GRK5: variants seen among roughly 807,000 people sequenced by gnomAD.
The protein encoded by GRK5 is g protein-coupled receptor kinase GRK5.
Under a neutral mutation model 78.4 loss-of-function variants are expected in GRK5, and 40 were observed. The observed-to-expected ratio is 0.51, with a 90% CI of 0.40 to 0.66. The LOEUF (loss-of-function observed/expected upper bound fraction) is 0.66. Ranked by LOEUF, GRK5 falls within the 30% of genes least tolerant of loss-of-function variation. GRK5 has a pLI of 0.00. For missense variants in GRK5, 598 were observed against 759.9 expected (o/e 0.79, Z 2.50); for synonymous variants, 289 against 296.8 (o/e 0.97, Z 0.27).
At chr10:119,237,329 C>G (rs539473700) in intron 1 of GRK5, among the ~76,000 whole-genome samples, 5 of 152,252 alleles carry the variant, frequency 3.3e-5, no homozygotes, top group Non-Finnish European at 2.9e-5. Context: ...TCCCAGAGTG[C>G]TGGGATTACA....
At chr10:119,348,724 G>A (rs1851143071) in intron 2 of GRK5, among the ~76,000 whole-genome samples, 1 of 152,234 alleles carries the variant, frequency 6.6e-6, no homozygotes, top group Admixed American at 6.5e-5. Flanking sequence ...CCCCATTCTG[G>A]AGGAACCAGC....
intron 4 of GRK5, among the ~76,000 whole-genome samples, chr10:119,416,126 G>A (rs1218757427): frequency 1.3e-5 from 2 of 152,204 alleles, no homozygotes; most frequent in Non-Finnish European, 2.9e-5. Flanking sequence ...CACCAGCCAA[G>A]TACAACTGAT....
intron 1 of GRK5, among the ~76,000 whole-genome samples, chr10:119,233,962 C>T (rs1274225643): frequency 2.0e-5 from 3 of 152,134 alleles, no homozygotes; most frequent in Admixed American, 1.3e-4. Flanking sequence ...TGTGTGAGTC[C>T]GGAAGTGGAT....
intron 9 of GRK5, among the ~76,000 whole-genome samples, chr10:119,439,216 G>A (rs963538430): frequency 5.3e-5 from 8 of 152,248 alleles, no homozygotes; most frequent in African/African-American, 9.6e-5. Context: ...GCCATGCCCC[G>A]TAGCTGTTCT....
intron 1 of GRK5, among the ~76,000 whole-genome samples, chr10:119,287,298 A>G (rs866198294): frequency 1.1e-4 from 7 of 66,076 alleles, no homozygotes; most frequent in African/African-American, 2.0e-4. Flanking sequence ...AGAAAGAGGG[A>G]AGAAAGGAAG....
intron 1 of GRK5, among the ~76,000 whole-genome samples, chr10:119,231,349 G>A (rs1848825861): frequency 6.6e-6 from 1 of 151,842 alleles, no homozygotes. Context: ...ATAACTTATA[G>A]AAAAATTAAA....
intron 1 of GRK5, among the ~76,000 whole-genome samples, chr10:119,219,228 A>T (rs1564852386): frequency 6.6e-6 from 1 of 151,658 alleles, no homozygotes; most frequent in Non-Finnish European, 1.5e-5. Flanking sequence ...GATGCATACA[A>T]AATGATCATT....
intron 3 of GRK5, among the ~76,000 whole-genome samples, chr10:119,394,296 G>GTGTGTGTGTGGGTGTGTGTATCCA (rs1851966177): frequency 7.2e-5 from 3 of 41,492 alleles, no homozygotes; most frequent in Non-Finnish European, 2.2e-4. Flanking sequence ...GTGTGTATCT[G>GTGTGTGTGTGGGTGTGTGTATCCA]TGTGTCTGTG....
chr10:119,300,336 C>T (rs1374693974), intron 1 of GRK5, among the ~76,000 whole-genome samples: 1 of 152,204 alleles, frequency 6.6e-6, no homozygotes, highest in Admixed American at 6.5e-5. Flanking sequence ...TTCTAAAGGA[C>T]TAGCCACAAC....
intron 1 of GRK5, among the ~76,000 whole-genome samples, chr10:119,256,332 C>T (rs1362704423): frequency 2.0e-5 from 3 of 152,192 alleles, no homozygotes; most frequent in Non-Finnish European, 2.9e-5. Context: ...GGCGTGAAAC[C>T]AGCAGGTGGG....
chr10:119,354,772 C>T (rs545460707), intron 2 of GRK5, among the ~76,000 whole-genome samples: 71 of 152,204 alleles, frequency 4.7e-4, no homozygotes, highest in African/African-American at 1.7e-3. Context: ...CTGTGTAGGT[C>T]CACCTTTATG....
chr10:119,357,069 G>A (rs1284467147), intron 2 of GRK5, among the ~76,000 whole-genome samples: 1 of 152,264 alleles, frequency 6.6e-6, no homozygotes, highest in Non-Finnish European at 1.5e-5. Context: ...AGGTGTGAAG[G>A]TGGCTGGGGG....
intron 1 of GRK5, among the ~76,000 whole-genome samples, chr10:119,208,304 C>T (rs1180065823): frequency 6.6e-6 from 1 of 151,584 alleles, no homozygotes; most frequent in African/African-American, 2.4e-5. Flanking sequence ...CAAACATGCA[C>T]ATAAAATAGC....
chr10:119,218,661 A>G (rs1848613608), intron 1 of GRK5, among the ~76,000 whole-genome samples: 1 of 152,200 alleles, frequency 6.6e-6, no homozygotes, highest in Admixed American at 6.5e-5. Flanking sequence ...GAGTAAGGAC[A>G]AAGGATTGGA....
intron 9 of GRK5, among the ~76,000 whole-genome samples, chr10:119,437,130 A>G (rs1348436342): frequency 6.6e-6 from 1 of 152,234 alleles, no homozygotes; most frequent in Admixed American, 6.5e-5. Flanking sequence ...GTCAAGGAGG[A>G]CGGGCCGTGA....
chr10:119,346,904 G>T (rs1375845784), intron 2 of GRK5, among the ~76,000 whole-genome samples: 1 of 152,212 alleles, frequency 6.6e-6, no homozygotes, highest in Non-Finnish European at 1.5e-5. Flanking sequence ...CGTGTGGAGG[G>T]TATTGCATAG....
intron 6 of GRK5, 106 bp downstream of exon 6, chr10:119,425,191 C>A: frequency 2.2e-5 from 16 of 730,680 alleles, no homozygotes; most frequent in Middle Eastern, 3.2e-4. Context: ...ATGGTTAAAA[C>A]AAAATTAACC....
intron 2 of GRK5, among the ~76,000 whole-genome samples, chr10:119,376,350 CCCTT>C (rs1386253572): frequency 6.6e-6 from 1 of 152,150 alleles, no homozygotes; most frequent in Non-Finnish European, 1.5e-5. Context: ...TAAGATGTGT[CCCTT>C]CCCACTGACC....
Position 119,430,266 on chromosome 10 carries a change from G to T in GRK5, c.534-109G>T. On this transcript the variant is annotated intron_variant, in intron 6 of 15. Coordinates refer to ENST00000392870, the MANE Select transcript of GRK5 (RefSeq NM_005308.3). The surrounding 1 kb of genome is among the most constrained non-coding windows in gnomAD (Gnocchi z 4.5). The stretch of plus-strand genomic sequence containing the variant: ...CTGGGGGGTCCCTGGGGCTGCTGTG[G>T]GGCTCCTGGAATTATACCCCACCCC... The T allele has an allele frequency of 1.1e-6, 1 of 919,560 alleles. No homozygotes were observed. Among genetic ancestry groups the T allele is most frequent in the South Asian group, 1.4e-5 (1 of 73,276 alleles). 57.0% of individuals were successfully genotyped at this position (919,560 alleles called of 1,614,324 possible). A position where few individuals can be genotyped will look rare whatever the true frequency, so the allele number is the denominator to read the frequency against.
Sources: gnomAD v4.1 joint callset for allele counts (sites outside exome capture counted in the v4.1 genomes callset) on GRCh38, gnomAD v4.1.1 for gene constraint, Gnocchi (gnomAD v3.1) non-coding constraint, MANE v1.5 for transcripts, NCBI Gene and HGNC (gene_info 2026-07-23, HGNC 2026-07-21) for gene names.